The following RSF1 variants were observed in gnomAD, a reference collection of about 807,000 sequenced individuals.
RSF1 encodes HBV pX-associated protein 8.
Under a neutral mutation model 145.2 loss-of-function variants are expected in RSF1, and 13 were observed. The ratio of observed to expected loss-of-function variants is 0.09; its 90% CI spans 0.06 to 0.14. The LOEUF (loss-of-function observed/expected upper bound fraction) is 0.14. RSF1 is among the 10% of genes least tolerant of loss of function. The pLI is 1.00. For missense variants in RSF1, 1,517 were observed against 1,718.2 expected (o/e 0.88, Z 2.07); for synonymous variants, 577 against 592.6 (o/e 0.97, Z 0.38).
intron 4 of RSF1, among the ~76,000 whole-genome samples, chr11:77,732,496 A>G (rs1175096013): frequency 6.6e-6 from 1 of 152,188 alleles, no homozygotes; most frequent in African/African-American, 2.4e-5. Flanking sequence ...GGGCCGGGGC[A>G]GAAAAATATG....
rs777962245 is a variant in RSF1, at chr11:77,764,580, T to C, written c.279+18A>G. 6.6e-5 allele frequency: 93 copies of C among 1,408,778 alleles called. No homozygotes were observed. The highest frequency in any genetic ancestry group is 8.3e-5 in the Non-Finnish European group (83 of 998,750). 87.3% of individuals were successfully genotyped at this position (1,408,778 alleles called of 1,614,324 possible). A position where few individuals can be genotyped will look rare whatever the true frequency, so the allele number is the denominator to read the frequency against. On this transcript the variant is annotated intron_variant, in intron 2 of 15. Transcript: ENST00000308488. ...AATATTTCAGTAATAGAGCAGGAAA[T>C]TTACAAATACTAGTTACCTTGATCA...
chr11:77,790,553 G>A (rs963686759), intron 1 of RSF1, among the ~76,000 whole-genome samples: 3 of 152,028 alleles, frequency 2.0e-5, no homozygotes, highest in African/African-American at 7.2e-5. Flanking sequence ...ATTAAGTCAG[G>A]AGTCCACAGT....
At chr11:77,835,996 C>A in the RSF1 span, among the ~76,000 whole-genome samples, 1 of 152,054 alleles carries the variant, frequency 6.6e-6, no homozygotes, top group African/African-American at 2.4e-5. Context: ...GTCAGACAGA[C>A]TTGGATTCAA....
intron 13 of RSF1, among the ~76,000 whole-genome samples, chr11:77,675,859 A>C (rs1358386862): frequency 6.6e-6 from 1 of 152,222 alleles, no homozygotes; most frequent in African/African-American, 2.4e-5. Flanking sequence ...CATAAATCTC[A>C]TATTAATTTA....
intron 5 of RSF1, among the ~76,000 whole-genome samples, chr11:77,706,050 A>C (rs1960540457): frequency 6.6e-6 from 1 of 151,666 alleles, no homozygotes; most frequent in Non-Finnish European, 1.5e-5. Flanking sequence ...CAGATCACAA[A>C]GGTCAACACG....
chr11:77,747,405 A>G (rs1471144243), intron 2 of RSF1, among the ~76,000 whole-genome samples: 1 of 152,216 alleles, frequency 6.6e-6, no homozygotes, highest in African/African-American at 2.4e-5. Flanking sequence ...ATTTTCCCGC[A>G]TGAGAGTAAT....
chr11:77,841,043 C>A, the RSF1 span: 5 of 582,178 alleles, frequency 8.6e-6, no homozygotes, highest in Middle Eastern at 8.9e-4. Flanking sequence ...AAGTCCAAGA[C>A]CAGTTGGCTC....
intron 4 of RSF1, among the ~76,000 whole-genome samples, chr11:77,726,107 C>A (rs1420811009): frequency 3.3e-5 from 5 of 152,130 alleles, no homozygotes; most frequent in African/African-American, 1.2e-4. Flanking sequence ...TAATTCTTTT[C>A]TACCTTCAGA....
At chr11:77,849,493 G>C in the RSF1 span, among the ~76,000 whole-genome samples, 1 of 152,116 alleles carries the variant, frequency 6.6e-6, no homozygotes, top group Non-Finnish European at 1.5e-5. Flanking sequence ...CAAAGTGCTG[G>C]GATTATTGGC....
In RSF1 at chr11:77,676,949, C is replaced by T. The variant is rs1959722560; in HGVS notation, c.3184G>A (p.Asp1062Asn). 6.5e-7 allele frequency: 1 copy of T among 1,542,868 alleles called. No homozygotes were observed. The highest frequency in any genetic ancestry group is 8.8e-7 in the Non-Finnish European group (1 of 1,135,536). ...TCTTCATCCAAAATAGTAGAGATGTCTTTCCCACGATGACCTGTGATGGTG... is the reference window on the plus strand; with the variant it reads ...TCTTCATCCAAAATAGTAGAGATGTTTTTCCCACGATGACCTGTGATGGTG... ...ISTITGHRGK[D>N]ISTILDEERK... is the part of the protein sequence containing the mutation. Residue 1062 changes from aspartate to asparagine, a missense_variant, in exon 13 of 16, where the codon GAC (aspartate) becomes AAC (asparagine). Asp to Asn is a conservative substitution (Grantham distance 23, BLOSUM62 1). Transcript: ENST00000308488.
At chr11:77,687,158 T>C (rs1030584200) in intron 9 of RSF1, among the ~76,000 whole-genome samples, 19 of 152,220 alleles carry the variant, frequency 1.2e-4, no homozygotes, top group Non-Finnish European at 2.4e-4. Flanking sequence ...AAGATTCATA[T>C]ACATGTGTGT....
At chr11:77,719,576 T>TG (rs781632967) in intron 5 of RSF1, among the ~76,000 whole-genome samples, 21 of 152,342 alleles carry the variant, frequency 1.4e-4, no homozygotes, top group Non-Finnish European at 1.5e-4. Flanking sequence ...TTTTCAATTT[T>TG]AGATGTCGAC....
chr11:77,820,820 G>A (rs1224493568), upstream of RSF1: 18 of 1,171,204 alleles, frequency 1.5e-5, no homozygotes, highest in Non-Finnish European at 2.0e-5. Context: ...TCTCAAGTGG[G>A]CTCCTCTGCG....
chr11:77,688,162 C>T (rs1182163056), intron 9 of RSF1, among the ~76,000 whole-genome samples: 2 of 152,022 alleles, frequency 1.3e-5, no homozygotes, highest in African/African-American at 4.8e-5. Flanking sequence ...CATTGTGGCG[C>T]GTGCCTGTAA....
At chr11:77,714,203 C>T (rs1376301936) in intron 5 of RSF1, among the ~76,000 whole-genome samples, 1 of 152,190 alleles carries the variant, frequency 6.6e-6, no homozygotes, top group Non-Finnish European at 1.5e-5. Flanking sequence ...CAGCGTGGAG[C>T]TTAATCCTGG....
intron 5 of RSF1, among the ~76,000 whole-genome samples, chr11:77,710,057 G>T (rs926615234): frequency 6.6e-6 from 1 of 152,030 alleles, no homozygotes; most frequent in African/African-American, 2.4e-5. Context: ...AGGCAAAAAT[G>T]AAAAAGAAAT....
chr11:77,801,393 A>C (rs1042785855), intron 1 of RSF1, among the ~76,000 whole-genome samples: 1 of 152,214 alleles, frequency 6.6e-6, no homozygotes, highest in South Asian at 2.1e-4. Context: ...TTGCCACTGC[A>C]CTCCAGCCTG....
At chr11:77,767,317 T>C (rs1309274614) in intron 1 of RSF1, among the ~76,000 whole-genome samples, 1 of 152,172 alleles carries the variant, frequency 6.6e-6, no homozygotes, top group East Asian at 1.9e-4. Flanking sequence ...AGGACATGAC[T>C]ATACCTTCTC....
At chr11:77,712,836 T>C (rs1960719409) in intron 5 of RSF1, among the ~76,000 whole-genome samples, 2 of 152,368 alleles carry the variant, frequency 1.3e-5, no homozygotes, top group South Asian at 4.1e-4. Context: ...TTTATATATT[T>C]TGTTACTAAA....
Sources: allele counts gnomAD v4.1 joint callset (sites outside exome capture counted in the v4.1 genomes callset), GRCh38; gene constraint gnomAD v4.1.1; transcripts MANE v1.5; gene names NCBI Gene and HGNC (gene_info 2026-07-23, HGNC 2026-07-21).